Variants in STIM1 observed in about 807,000 individuals in gnomAD.
STIM1 encodes stromal interaction molecule 1.
STIM1 carries 25 observed loss-of-function variants against 74.7 expected under a neutral mutation model. The ratio of observed to expected loss-of-function variants is 0.33; its 90% CI spans 0.24 to 0.47. STIM1 has a LOEUF of 0.47. Ranked by LOEUF, STIM1 falls within the 20% of genes least tolerant of loss-of-function variation. The pLI is 1.00. For missense variants in STIM1, 728 were observed against 920.8 expected (o/e 0.79, Z 2.71); for synonymous variants, 328 against 348.8 (o/e 0.94, Z 0.66).
At chr11:3,888,096 T>C (rs2091783108) in intron 1 of STIM1, 2 of 152,310 alleles carry the variant, frequency 1.3e-5, no homozygotes, top group African/African-American at 4.8e-5. Context: ...ATTTCTGTTT[T>C]TGAAAGATGA....
At chr11:4,066,265 T>C (rs190617252) in intron 5 of STIM1, among the ~76,000 whole-genome samples, 43 of 152,254 alleles carry the variant, frequency 2.8e-4, no homozygotes, top group Non-Finnish European at 5.3e-4. Flanking sequence ...GGTTACTGAG[T>C]GCAAGGTAGA....
rs2092349812 is a variant in STIM1 at position 3,901,609 on chromosome 11, T to A, written c.139+45200T>A. ...ATAGATTACATCTTTGTGTTCACAA[T>A]AGCTCTATGAGATTGCTGATATAGT... On this transcript the variant is annotated intron_variant, in intron 1 of 12. Transcript: ENST00000526596. 2.0e-5 allele frequency among the ~76,000 whole-genome samples: 3 copies of A among 152,256 alleles called. No individual in the cohort carries two copies. In the South Asian group the frequency reaches 6.2e-4, roughly 31 times the overall value.
chr11:3,928,949 C>T (rs2092824044), intron 1 of STIM1, among the ~76,000 whole-genome samples: 1 of 152,218 alleles, frequency 6.6e-6, no homozygotes, highest in Non-Finnish European at 1.5e-5. Context: ...CGGCTCACTG[C>T]AGCCTCCGCC....
intron 1 of STIM1, among the ~76,000 whole-genome samples, chr11:3,861,212 ATG>A (rs1046770193): frequency 6.6e-6 from 1 of 151,318 alleles, no homozygotes; most frequent in Non-Finnish European, 1.5e-5. Context: ...GATTGCAGTC[ATG>A]TGTGATCTAG....
chr11:3,926,192 A>C (rs1232074535), intron 1 of STIM1, among the ~76,000 whole-genome samples: 1 of 152,178 alleles, frequency 6.6e-6, no homozygotes, highest in African/African-American at 2.4e-5. Context: ...TGAGAAAAAA[A>C]TATAAACCAT....
intron 1 of STIM1, among the ~76,000 whole-genome samples, chr11:3,916,447 C>A (rs2092644729): frequency 7.4e-6 from 1 of 134,996 alleles, no homozygotes; most frequent in South Asian, 2.6e-4. Flanking sequence ...GCCACCACAC[C>A]CAATTTTTTT....
At position 4,082,347 on chromosome 11, in the gene STIM1, A is replaced by G. The variant is rs758472622; in HGVS notation, c.1133A>G (p.Glu378Gly). 15 of 1,610,866 alleles carry G rather than the reference A, an allele frequency of 9.3e-6. 1 individual carries two copies. In the South Asian group the frequency reaches 1.7e-4, roughly 18 times the overall value. The change falls in exon 8 of 13, where the codon GAG (glutamate) becomes GGG (glycine). Residue 378 changes from glutamate (E) to glycine (G), a missense_variant. Physicochemically the swap from Glu to Gly is moderately conservative, Grantham distance 98. This residue lies in a region of STIM1 where 131 missense variants were observed against 235.9 expected (regional missense o/e 0.56). Coordinates refer to ENST00000526596, the MANE Select transcript of STIM1 (RefSeq NM_001382567.1). ...GAGAAGCAGCTGCTGGTGGCCAAGG[A>G]GGGGGTGAGAACAGCCCTTCTATTG... ...NAEKQLLVAKEGAEKIKKKRN... is the reference protein window; with the variant it reads ...NAEKQLLVAKGGAEKIKKKRN...
intron 1 of STIM1, among the ~76,000 whole-genome samples, chr11:3,904,196 C>CAAAGAAA (rs2092418667): frequency 1.4e-5 from 1 of 73,876 alleles, no homozygotes; most frequent in Non-Finnish European, 2.4e-5. Context: ...GACTCTGTCT[C>CAAAGAAA]AAAAAAAAAA....
chr11:3,935,494 T>C (rs1044143392), intron 1 of STIM1, among the ~76,000 whole-genome samples: 10 of 152,198 alleles, frequency 6.6e-5, no homozygotes, highest in Non-Finnish European at 1.5e-4. Flanking sequence ...TTTCTGGACA[T>C]CAGGGCACAG....
chr11:4,058,752 T>C, intron 4 of STIM1: 3 of 970,272 alleles, frequency 3.1e-6, no homozygotes, highest in Non-Finnish European at 3.7e-6. Flanking sequence ...CAGGACTAAT[T>C]CCATTTTTGT....
intron 12 of STIM1, among the ~76,000 whole-genome samples, chr11:4,090,254 T>G (rs574005938): frequency 4.5e-4 from 69 of 152,338 alleles, no homozygotes; most frequent in African/African-American, 1.6e-3. Flanking sequence ...GAATTGGTAT[T>G]ATCTTCATTA....
At chr11:4,029,572 G>A (rs1040484165) in intron 3 of STIM1, among the ~76,000 whole-genome samples, 5 of 148,158 alleles carry the variant, frequency 3.4e-5, no homozygotes, top group African/African-American at 1.3e-4. Flanking sequence ...CGGAAGGAGG[G>A]TGGGCGGGGT....
intron 3 of STIM1, among the ~76,000 whole-genome samples, chr11:4,038,038 CTTT>C (rs538655034): frequency 7.1e-6 from 1 of 141,134 alleles, no homozygotes. Context: ...TCATCACAGT[CTTT>C]TTTTTTTTTT....
intron 3 of STIM1, among the ~76,000 whole-genome samples, chr11:4,036,111 G>T (rs2094099692): frequency 6.6e-6 from 1 of 151,954 alleles, no homozygotes. Context: ...GCACTGTTTG[G>T]TTTTCCATTC....
intron 3 of STIM1, among the ~76,000 whole-genome samples, chr11:4,047,582 C>CT (rs1462258839): frequency 6.6e-6 from 1 of 152,086 alleles, no homozygotes; most frequent in Non-Finnish European, 1.5e-5. Context: ...TGCCACTGCA[C>CT]CCCAGCCTGG....
intron 2 of STIM1, among the ~76,000 whole-genome samples, chr11:4,011,226 A>T (rs926837458): frequency 7.2e-5 from 11 of 152,294 alleles, no homozygotes; most frequent in African/African-American, 2.4e-4. Flanking sequence ...TCCTTTGGGT[A>T]TATACGCAGT....
chr11:3,876,136 TTAAG>T (rs142700520), intron 1 of STIM1, among the ~76,000 whole-genome samples: 40,051 of 151,922 alleles, frequency 0.26, 5,367 homozygotes, highest in East Asian at 0.29. Flanking sequence ...TTTATGAGGG[TTAAG>T]TAAGATAATG....
intron 12 of STIM1, among the ~76,000 whole-genome samples, chr11:4,090,889 CA>C (rs945389333): frequency 5.5e-4 from 84 of 152,264 alleles, no homozygotes; most frequent in African/African-American, 1.9e-3. Context: ...GGTATGATGA[CA>C]TTTGTTTTTG....
intron 1 of STIM1, among the ~76,000 whole-genome samples, chr11:3,908,051 T>A (rs1248122949): frequency 2.0e-5 from 3 of 152,186 alleles, no homozygotes; most frequent in African/African-American, 7.2e-5. Context: ...ATCTGGCATA[T>A]TTATTGGTCA....
Sources: allele counts gnomAD v4.1 joint callset (sites outside exome capture counted in the v4.1 genomes callset), GRCh38; gene constraint gnomAD v4.1.1; regional missense constraint gnomAD v4.1.1; transcripts MANE v1.5; gene names NCBI Gene and HGNC (gene_info 2026-07-23, HGNC 2026-07-21).